CEP112: variants seen among roughly 807,000 people sequenced by gnomAD.
CEP112 encodes the protein centrosomal protein of 112 kDa.
In CEP112, 127 loss-of-function variants were observed where a neutral mutation model predicts 153.0. The observed-to-expected ratio is 0.83, with a 90% CI of 0.72 to 0.96. The LOEUF is 0.96. CEP112 is among the 40% of genes least tolerant of loss of function. The pLI is 0.00. For synonymous variants in CEP112, 358 were observed against 374.4 expected (o/e 0.96, Z 0.51); for missense variants, 1,089 against 1,101.2 (o/e 0.99, Z 0.16).
chr17:65,680,849 T>C (rs977049975), intron 24 of CEP112, among the ~76,000 whole-genome samples: 10 of 151,560 alleles, frequency 6.6e-5, no homozygotes, highest in Admixed American at 3.3e-4. Flanking sequence ...GGAGACAGAG[T>C]GAGTGAGACA....
intron 23 of CEP112, among the ~76,000 whole-genome samples, chr17:65,695,749 C>T (rs534955337): frequency 5.3e-5 from 8 of 152,174 alleles, no homozygotes; most frequent in Non-Finnish European, 1.2e-4. Context: ...AGATGTAGTA[C>T]TGTAGCAAGA....
chr17:66,046,470 G>A (rs1389131725), intron 12 of CEP112, among the ~76,000 whole-genome samples: 1 of 152,078 alleles, frequency 6.6e-6, no homozygotes, highest in Non-Finnish European at 1.5e-5. Flanking sequence ...CGTTTATAAG[G>A]ATCTTCCATG....
At chr17:66,008,552 G>T (rs1458870831) in intron 16 of CEP112, among the ~76,000 whole-genome samples, 1 of 151,944 alleles carries the variant, frequency 6.6e-6, no homozygotes, top group Admixed American at 6.6e-5. Context: ...TCACTATGTT[G>T]CCCAGTCTGG....
At chr17:65,819,410 C>G (rs1297527657) in intron 21 of CEP112, among the ~76,000 whole-genome samples, 2 of 151,902 alleles carry the variant, frequency 1.3e-5, no homozygotes, top group East Asian at 3.9e-4. Flanking sequence ...GACAAAGTAA[C>G]TGTGAGTAAA....
At chr17:66,151,459 G>A (rs1039888602) in intron 4 of CEP112, among the ~76,000 whole-genome samples, 6 of 152,178 alleles carry the variant, frequency 3.9e-5, no homozygotes, top group African/African-American at 1.4e-4. Flanking sequence ...TGCCCATGTG[G>A]TATGTCCTTT....
chr17:65,779,999 T>C (rs192906903), intron 21 of CEP112, among the ~76,000 whole-genome samples: 47 of 152,244 alleles, frequency 3.1e-4, no homozygotes, highest in African/African-American at 1.0e-3. Context: ...GAAATGCCCA[T>C]ATATTCCTGA....
chr17:66,103,571 C>T (rs1277326097), intron 6 of CEP112, among the ~76,000 whole-genome samples: 5 of 152,110 alleles, frequency 3.3e-5, no homozygotes, highest in Admixed American at 1.3e-4. Flanking sequence ...AGAGGCAGAG[C>T]AAAATGTTCA....
chr17:65,833,010 G>A lies in CEP112; in HGVS notation c.2394+18794C>T, dbSNP rs539449902. Reference sequence around the variant, plus strand: ...GCACATCAAAAAGCTAATCCACCACGATCAAGTAGACGTCATCCCCAGAAT... The same window carrying A: ...GCACATCAAAAAGCTAATCCACCACAATCAAGTAGACGTCATCCCCAGAAT... On this transcript the variant is annotated intron_variant, in intron 21 of 26. Coordinates refer to ENST00000535342, the MANE Select transcript of CEP112 (RefSeq NM_001199165.4). Among the ~76,000 whole-genome samples the A allele has an allele frequency of 5.3e-5, 8 of 152,238 alleles. No individual in the cohort carries two copies. In the East Asian group the frequency reaches 9.7e-4, roughly 18 times the overall value.
chr17:65,795,829 AAAT>A (rs1238240970), intron 21 of CEP112, among the ~76,000 whole-genome samples: 1 of 152,098 alleles, frequency 6.6e-6, no homozygotes, highest in East Asian at 1.9e-4. Context: ...ATAAATAAAT[AAAT>A]AATAAAAAAT....
intron 24 of CEP112, among the ~76,000 whole-genome samples, chr17:65,680,989 A>T (rs1202424096): frequency 1.3e-5 from 2 of 152,214 alleles, no homozygotes; most frequent in East Asian, 3.8e-4. Flanking sequence ...CCAGGGGATT[A>T]CAATTCAAGA....
intron 24 of CEP112, among the ~76,000 whole-genome samples, chr17:65,659,923 T>C (rs1283213228): frequency 1.3e-5 from 2 of 151,954 alleles, no homozygotes; most frequent in Non-Finnish European, 2.9e-5. Flanking sequence ...ACTTTCAAGA[T>C]GGATGAGAGG....
At chr17:65,850,399 C>T (rs2057887125) in intron 21 of CEP112, among the ~76,000 whole-genome samples, 1 of 152,100 alleles carries the variant, frequency 6.6e-6, no homozygotes, top group South Asian at 2.1e-4. Context: ...TTCCACCCTA[C>T]TTCCCACCCC....
At chr17:65,908,043 T>C (rs551147212) in intron 19 of CEP112, among the ~76,000 whole-genome samples, 1 of 152,322 alleles carries the variant, frequency 6.6e-6, no homozygotes, top group South Asian at 2.1e-4. Context: ...GTGGGGCATC[T>C]GGACCCATAA....
chr17:65,648,684 C>T lies in CEP112; in HGVS notation c.2698-7619G>A, dbSNP rs1038136132. 2.6e-5 allele frequency among the ~76,000 whole-genome samples: 4 copies of T among 152,154 alleles called. No individual in the cohort carries two copies. The East Asian group carries it at 7.7e-4, about 29-fold the overall frequency. Reference sequence around the variant, plus strand: ...CAAAGTGACATTGGAAAAAAGGAGCCTTGAAAATCTATAATTTCATTAAAA... The same window carrying T: ...CAAAGTGACATTGGAAAAAAGGAGCTTTGAAAATCTATAATTTCATTAAAA... On this transcript the variant is annotated intron_variant, in intron 24 of 26. Coordinates refer to ENST00000535342, the MANE Select transcript of CEP112 (RefSeq NM_001199165.4).
chr17:66,165,783 A>G (rs2071929222), intron 4 of CEP112, among the ~76,000 whole-genome samples: 1 of 152,194 alleles, frequency 6.6e-6, no homozygotes, highest in Non-Finnish European at 1.5e-5. Flanking sequence ...TGCTAGCTAT[A>G]TTGGGGTAAG....
chr17:66,043,531 T>C (rs2066073950), intron 12 of CEP112, among the ~76,000 whole-genome samples: 1 of 152,128 alleles, frequency 6.6e-6, no homozygotes, highest in South Asian at 2.1e-4. Flanking sequence ...GCAGGGTCCA[T>C]GGTACAAAAG....
chr17:65,648,459 G>A (rs550384541), intron 24 of CEP112, among the ~76,000 whole-genome samples: 2 of 152,274 alleles, frequency 1.3e-5, no homozygotes, highest in African/African-American at 2.4e-5. Context: ...TCCAAGGCAC[G>A]GCACTGACAC....
intron 12 of CEP112, among the ~76,000 whole-genome samples, chr17:66,038,345 A>G (rs779822022): frequency 1.2e-4 from 19 of 152,128 alleles, no homozygotes; most frequent in Admixed American, 3.9e-4. Flanking sequence ...GACGTCACTT[A>G]TTCATTTTAT....
chr17:65,816,904 C>T (rs192496069), intron 21 of CEP112, among the ~76,000 whole-genome samples: 8 of 152,100 alleles, frequency 5.3e-5, no homozygotes, highest in African/African-American at 1.9e-4. Flanking sequence ...CTGGTGAAGT[C>T]ACCTGGTATA....
Sources: gnomAD v4.1 joint callset for allele counts (sites outside exome capture counted in the v4.1 genomes callset) on GRCh38, gnomAD v4.1.1 for gene constraint, MANE v1.5 for transcripts, NCBI Gene and HGNC (gene_info 2026-07-23, HGNC 2026-07-21) for gene names.